MARCHF5: variants seen among roughly 807,000 people sequenced by gnomAD.
MARCHF5 encodes the protein membrane associated ring-CH-type finger 5.
Under a neutral mutation model 36.5 loss-of-function variants are expected in MARCHF5, and 5 were observed. That is an observed-to-expected ratio of 0.14 (90% CI 0.07 to 0.29). The LOEUF is 0.29. MARCHF5 is among the 10% of genes least tolerant of loss of function. MARCHF5 has a pLI of 1.00. For synonymous variants in MARCHF5, 103 were observed against 109.9 expected (o/e 0.94, Z 0.39); for missense variants, 179 against 336.3 (o/e 0.53, Z 3.66).
rs765246639 is a variant in MARCHF5 at position 92,314,741 on chromosome 10, TCCC to T, written c.238+3408_238+3410del. ...AAACAGAGTATTTGCTGCTGCTGCT[TCCC>T]CCCGCCCCCCCCCGCCAATAGAGGT... On this transcript the variant is annotated intron_variant, in intron 2 of 5. Transcript: ENST00000358935. Among the ~76,000 whole-genome samples the T allele has an allele frequency of 1.5e-3, 16 of 10,672 alleles. 1 individual carries two copies. Among genetic ancestry groups the T allele is most frequent in the South Asian group, 9.7e-3 (2 of 206 alleles). The allele number at this position is 10,672 out of a possible 152,430, so 7.0% of individuals were successfully genotyped here. A position where few individuals can be genotyped will look rare whatever the true frequency, so the allele number is the denominator to read the frequency against.
At chr10:92,304,281 T>G (rs1057311851) in intron 1 of MARCHF5, among the ~76,000 whole-genome samples, 1 of 152,208 alleles carries the variant, frequency 6.6e-6, no homozygotes, top group South Asian at 2.1e-4. Context: ...TTATTGCTAG[T>G]GGTCATATGG....
intron 2 of MARCHF5, among the ~76,000 whole-genome samples, chr10:92,332,269 C>T (rs1843444906): frequency 6.6e-6 from 1 of 151,888 alleles, no homozygotes; most frequent in African/African-American, 2.4e-5. Context: ...CCCTTCTTTA[C>T]AATCTAATGA....
chr10:92,317,247 C>T (rs192500825), intron 2 of MARCHF5, among the ~76,000 whole-genome samples: 4 of 152,022 alleles, frequency 2.6e-5, no homozygotes, highest in East Asian at 1.9e-4. Context: ...TACAGACATG[C>T]GCCAGCACGC....
At chr10:92,316,183 G>T (rs1843207227) in intron 2 of MARCHF5, among the ~76,000 whole-genome samples, 1 of 152,052 alleles carries the variant, frequency 6.6e-6, no homozygotes, top group Non-Finnish European at 1.5e-5. Flanking sequence ...CTTTTCAAAT[G>T]AATTTAGCCC....
At chr10:92,341,318 GCTTGAA>G (rs1342783970) in intron 3 of MARCHF5, among the ~76,000 whole-genome samples, 1 of 151,996 alleles carries the variant, frequency 6.6e-6, no homozygotes, top group Non-Finnish European at 1.5e-5. Flanking sequence ...CAGGAGAATT[GCTTGAA>G]CCCAGGAGCC....
At chr10:92,322,100 C>T (rs1004042142) in intron 2 of MARCHF5, among the ~76,000 whole-genome samples, 3 of 151,310 alleles carry the variant, frequency 2.0e-5, no homozygotes, top group Non-Finnish European at 4.4e-5. Flanking sequence ...TAAAATTAGC[C>T]GGGCATGGTG....
At chr10:92,291,647 A>AG (rs1052152539) in intron 1 of MARCHF5, 118 bp downstream of exon 1, 59 of 1,396,334 alleles carry the variant, frequency 4.2e-5, no homozygotes, top group Non-Finnish European at 5.1e-5. Context: ...TTCCACGGCC[A>AG]GGGGGCCGTG....
chr10:92,328,721 C>T (rs1843398895), intron 2 of MARCHF5, among the ~76,000 whole-genome samples: 2 of 150,654 alleles, frequency 1.3e-5, no homozygotes, highest in Admixed American at 6.6e-5. Flanking sequence ...TGATACACTA[C>T]GAACACTTGG....
At chr10:92,333,240 T>C (rs576428438) in intron 2 of MARCHF5, among the ~76,000 whole-genome samples, 84 of 151,840 alleles carry the variant, frequency 5.5e-4, no homozygotes, top group Admixed American at 1.2e-3. Flanking sequence ...TTTTTTTTTT[T>C]CCCTTAAAAT....
intron 1 of MARCHF5, among the ~76,000 whole-genome samples, chr10:92,297,340 G>C (rs1842958735): frequency 6.6e-6 from 1 of 151,374 alleles, no homozygotes; most frequent in Admixed American, 6.6e-5. Flanking sequence ...CTGATTTTTT[G>C]TATTTTTTTT....
intron 2 of MARCHF5, among the ~76,000 whole-genome samples, chr10:92,316,963 GTT>G: frequency 1.3e-5 from 2 of 152,180 alleles, no homozygotes; most frequent in Admixed American, 1.3e-4. Flanking sequence ...ACTGAAAAAA[GTT>G]TGTTTTATAA....
chr10:92,322,865 G>A (rs1373062311), intron 2 of MARCHF5, among the ~76,000 whole-genome samples: 27 of 151,800 alleles, frequency 1.8e-4, no homozygotes, highest in Admixed American at 1.8e-3. Context: ...AGCCTCCTGA[G>A]TAGCTGGGAC....
At chr10:92,293,140 T>G (rs1387593305) in intron 1 of MARCHF5, among the ~76,000 whole-genome samples, 2 of 152,112 alleles carry the variant, frequency 1.3e-5, no homozygotes, top group African/African-American at 4.8e-5. Context: ...CAGACTGGAA[T>G]GCAGTGGCAG....
At chr10:92,321,161 A>G (rs1843285150) in intron 2 of MARCHF5, among the ~76,000 whole-genome samples, 1 of 152,096 alleles carries the variant, frequency 6.6e-6, no homozygotes, top group Non-Finnish European at 1.5e-5. Context: ...TGTGATGTGC[A>G]CAAAACTACA....
At position 92,291,510 on chromosome 10, in the gene MARCHF5, C is replaced by T; in HGVS notation, c.16C>T (p.Leu6=). The T allele has an allele frequency of 1.3e-6, 2 of 1,547,834 alleles. No individual in the cohort carries two copies. The highest frequency in any genetic ancestry group is 1.4e-5 in the African/African-American group (1 of 72,572). MPDQA[L]QQMLDRSCWV... is the part of the protein sequence containing the mutation. ...TCCGCGGAAGATGCCGGACCAAGCC[C>T]TACAGCAGATGCTGGACAGGTACGG... The change falls in exon 1 of 6, where the codon CTA becomes TTA. Residue 6 remains leucine (L), a synonymous_variant. Transcript: ENST00000358935.
chr10:92,299,614 A>T lies in MARCHF5; in HGVS notation c.35+8085A>T, dbSNP rs1377784389. Among the ~76,000 whole-genome samples, 7 of 152,194 alleles carry T rather than the reference A, an allele frequency of 4.6e-5. 1 individual carries two copies. Among genetic ancestry groups the T allele is most frequent in the Admixed American group, 4.6e-4 (7 of 15,280 alleles). On this transcript the variant is annotated intron_variant, in intron 1 of 5. Coordinates refer to ENST00000358935, the MANE Select transcript of MARCHF5 (RefSeq NM_017824.5). ...AACCTTGTTGCATTTATTATAGTGTATCACATTGTACTGTAAATTTTTTAA... is the reference window on the plus strand; with the variant it reads ...AACCTTGTTGCATTTATTATAGTGTTTCACATTGTACTGTAAATTTTTTAA...
At position 92,291,258 on chromosome 10, in the gene MARCHF5, C is replaced by T; in HGVS notation, c.-237C>T. ...GGCCGACGGACGGGAACCCGGGCCGCGATCGCCGCCTCCCCGCCTCAGGCT... is the reference window on the plus strand; with the variant it reads ...GGCCGACGGACGGGAACCCGGGCCGTGATCGCCGCCTCCCCGCCTCAGGCT... On this transcript the variant is annotated 5_prime_UTR_variant, in exon 1 of 6. Coordinates refer to ENST00000358935, the MANE Select transcript of MARCHF5 (RefSeq NM_017824.5). The T allele has an allele frequency of 1.8e-6, 1 of 540,622 alleles. No homozygotes were observed. Among genetic ancestry groups the T allele is most frequent in the Non-Finnish European group, 3.2e-6 (1 of 311,258 alleles). The allele number at this position is 540,622 out of a possible 1,614,324, so 33.5% of individuals were successfully genotyped here. A position where few individuals can be genotyped will look rare whatever the true frequency, so the allele number is the denominator to read the frequency against.
intron 2 of MARCHF5, among the ~76,000 whole-genome samples, chr10:92,326,367 A>G (rs1406304068): frequency 6.6e-6 from 1 of 152,212 alleles, no homozygotes. Flanking sequence ...GATAAGAAGT[A>G]GACTCAGCAA....
intron 1 of MARCHF5, among the ~76,000 whole-genome samples, chr10:92,304,711 CAT>C (rs766703156): frequency 7.9e-5 from 12 of 152,134 alleles, no homozygotes; most frequent in African/African-American, 1.9e-4. Context: ...TGCTTGCACT[CAT>C]TATTGAAGAA....
Sources: allele counts gnomAD v4.1 joint callset (sites outside exome capture counted in the v4.1 genomes callset), GRCh38; gene constraint gnomAD v4.1.1; transcripts MANE v1.5; gene names NCBI Gene and HGNC (gene_info 2026-07-23, HGNC 2026-07-21).